RSPO4: variants seen among roughly 807,000 people sequenced by gnomAD.
RSPO4 encodes the protein R-spondin 4.
In RSPO4, 23 loss-of-function variants were observed where a neutral mutation model predicts 24.8. The observed-to-expected ratio is 0.93, with a 90% CI of 0.67 to 1.31. The LOEUF (loss-of-function observed/expected upper bound fraction) is 1.31. Ranked by LOEUF, RSPO4 falls within the 40% of genes most tolerant of loss-of-function variation. The pLI is 0.00. For missense variants in RSPO4, 333 were observed against 316.5 expected (o/e 1.05, Z -0.39); for synonymous variants, 141 against 127.4 (o/e 1.11, Z -0.72).
rs1188222418 is a variant in RSPO4, at chr20:967,242, T to C, written c.341A>G (p.Tyr114Cys). 5.6e-6 allele frequency: 9 copies of C among 1,614,234 alleles called. No homozygotes were observed. The highest frequency in any genetic ancestry group is 7.6e-6 in the Non-Finnish European group (9 of 1,180,038). ...CIRCKRQFYL[Y>C]KGKCLPTCPP... Reference sequence around the variant, plus strand: ...GCAGGTGGGCAGACACTTCCCCTTGTACAAGTAAAACTGCCTCTTGCACCG... The same window carrying C: ...GCAGGTGGGCAGACACTTCCCCTTGCACAAGTAAAACTGCCTCTTGCACCG... Residue 114 changes from tyrosine to cysteine, a missense_variant, in exon 3 of 5, where the codon TAC becomes TGC. Tyr to Cys is a radical substitution (Grantham distance 194). Transcript: ENST00000217260.
At chr20:986,648 TG>T (rs1006315241) in intron 1 of RSPO4, among the ~76,000 whole-genome samples, 3 of 106,986 alleles carry the variant, frequency 2.8e-5, no homozygotes, top group Non-Finnish European at 3.5e-5. Flanking sequence ...GACTGTGCAT[TG>T]GGGGTGGGGG....
intron 1 of RSPO4, among the ~76,000 whole-genome samples, chr20:982,307 T>C (rs978268736): frequency 5.9e-5 from 9 of 152,162 alleles, no homozygotes; most frequent in Non-Finnish European, 4.4e-5. Flanking sequence ...AAAACTGTCT[T>C]GTGTGTGAAG....
chr20:981,102 A>G lies in RSPO4; in HGVS notation c.80-12964T>C, dbSNP rs1213043110. 6.6e-6 allele frequency among the ~76,000 whole-genome samples: 1 copy of G among 152,194 alleles called. No individual in the cohort carries two copies. The highest frequency in any genetic ancestry group is 2.4e-5 in the African/African-American group (1 of 41,452). On this transcript the variant is annotated intron_variant, in intron 1 of 4. Coordinates refer to ENST00000217260, the MANE Select transcript of RSPO4 (RefSeq NM_001029871.4). The surrounding 1 kb of genome is among the most constrained non-coding windows in gnomAD (Gnocchi z 4.6). ...GGAAGTGAAGGCTCAAAGACCAACA[A>G]TTATAGGTGGTGGCATTAGATTTAA...
intron 1 of RSPO4, among the ~76,000 whole-genome samples, chr20:997,385 T>C (rs1188469406): frequency 2.6e-5 from 4 of 152,304 alleles, no homozygotes; most frequent in Non-Finnish European, 5.9e-5. Flanking sequence ...GGATGGCAAA[T>C]GGAGCTCAAT....
At chr20:978,555 A>C (rs982496281) in intron 1 of RSPO4, among the ~76,000 whole-genome samples, 1 of 152,182 alleles carries the variant, frequency 6.6e-6, no homozygotes, top group African/African-American at 2.4e-5. Context: ...ACGGTGGCTC[A>C]ATAAAGGTTC....
chr20:983,818 A>G lies in RSPO4; in HGVS notation c.80-15680T>C, dbSNP rs568201111. On this transcript the variant is annotated intron_variant, in intron 1 of 4. Coordinates refer to ENST00000217260, the MANE Select transcript of RSPO4 (RefSeq NM_001029871.4). Reference sequence around the variant, plus strand: ...CTTTCACAGGCCAGACTGCCTCAACAATCCTGCAAGATGGGTAGTATTATC... The same window carrying G: ...CTTTCACAGGCCAGACTGCCTCAACGATCCTGCAAGATGGGTAGTATTATC... 3.3e-5 allele frequency among the ~76,000 whole-genome samples: 5 copies of G among 152,328 alleles called. No homozygotes were observed. In the South Asian group the frequency reaches 1.0e-3, roughly 32 times the overall value.
chr20:975,136 G>A (rs1040876335), intron 1 of RSPO4, among the ~76,000 whole-genome samples: 27 of 152,130 alleles, frequency 1.8e-4, no homozygotes, highest in Non-Finnish European at 2.8e-4. Flanking sequence ...ACTAGACAGC[G>A]AACAGATCAC....
At position 981,071 on chromosome 20, in the gene RSPO4, G is replaced by A. The variant is rs749705959; in HGVS notation, c.80-12933C>T. On this transcript the variant is annotated intron_variant, in intron 1 of 4. Transcript: ENST00000217260. This position sits in a 1 kb window ranked among gnomAD's most constrained non-coding sequence, Gnocchi z 4.6. ...ATGCTGTTATCATTCCTCATTTTAC[G>A]GTTCAGGAAGTGAAGGCTCAAAGAC... is the stretch of plus-strand genomic sequence containing the variant. Among the ~76,000 whole-genome samples the A allele has an allele frequency of 3.9e-5, 6 of 152,136 alleles. No individual in the cohort carries two copies. The highest frequency in any genetic ancestry group is 4.8e-5 in the African/African-American group (2 of 41,416).
intron 1 of RSPO4, among the ~76,000 whole-genome samples, chr20:994,382 G>A (rs890042365): frequency 4.6e-5 from 7 of 152,206 alleles, no homozygotes; most frequent in African/African-American, 1.2e-4. Flanking sequence ...TGATGGCCCC[G>A]TGGCTTGGTC....
intron 1 of RSPO4, among the ~76,000 whole-genome samples, chr20:979,042 C>T (rs1448709910): frequency 6.6e-6 from 1 of 152,170 alleles, no homozygotes; most frequent in Non-Finnish European, 1.5e-5. Flanking sequence ...CACTCAGGGC[C>T]AAAGACTTCA....
At chr20:967,752 T>G (rs1984260375) in intron 2 of RSPO4, among the ~76,000 whole-genome samples, 198 bp downstream of exon 2, 1 of 152,230 alleles carries the variant, frequency 6.6e-6, no homozygotes, top group Non-Finnish European at 1.5e-5. Context: ...GCCTGTTCTA[T>G]TAGTGCTAAT....
In RSPO4 at chr20:959,962, TAGAG is replaced by T. The variant is rs1983931799; in HGVS notation, c.*391_*394del. 4.7e-6 allele frequency: 1 copy of T among 213,770 alleles called. No individual in the cohort carries two copies. The allele number at this position is 213,770 out of a possible 1,614,324, so 13.2% of individuals were successfully genotyped here. A position where few individuals can be genotyped will look rare whatever the true frequency, so the allele number is the denominator to read the frequency against. On this transcript the variant is annotated 3_prime_UTR_variant, in exon 5 of 5. Coordinates refer to ENST00000217260, the MANE Select transcript of RSPO4 (RefSeq NM_001029871.4). ...ATGTTTGCTTTCTTTAAGTTGTAGATAGAGAAAGCTGCAGGGGAGGGCACAGGCT... is the reference window on the plus strand; with the variant it reads ...ATGTTTGCTTTCTTTAAGTTGTAGATAAAGCTGCAGGGGAGGGCACAGGCT...
chr20:995,122 A>T (rs1568932824), intron 1 of RSPO4, among the ~76,000 whole-genome samples: 1 of 152,244 alleles, frequency 6.6e-6, no homozygotes, highest in East Asian at 1.9e-4. Context: ...ATTGGTCTCA[A>T]AGGTCTCACT....
In RSPO4 at chr20:992,214, TCCCATCCTCACTGC is replaced by T. The variant is rs369828022; in HGVS notation, c.79+9858_79+9871del. Among the ~76,000 whole-genome samples the T allele has an allele frequency of 2.9e-3, 434 of 150,642 alleles. 3 individuals carry two copies. Among genetic ancestry groups the T allele is most frequent in the African/African-American group, 0.01 (415 of 40,742 alleles). ...ACGCACACGGATGCATGTTACATCA[TCCCATCCTCACTGC>T]CCCATCCTCACTGCTGTCCTCTGAG... is the stretch of plus-strand genomic sequence containing the variant. On this transcript the variant is annotated intron_variant, in intron 1 of 4. Transcript: ENST00000217260.
chr20:997,469 G>A (rs1600102854), intron 1 of RSPO4, among the ~76,000 whole-genome samples: 1 of 152,258 alleles, frequency 6.6e-6, no homozygotes. Context: ...TGAAGAAACC[G>A]AAGCCGAGAG....
intron 1 of RSPO4, among the ~76,000 whole-genome samples, chr20:986,478 G>C (rs559744476): frequency 4.6e-5 from 7 of 152,202 alleles, no homozygotes; most frequent in Non-Finnish European, 8.8e-5. Flanking sequence ...GTCAGAAGCT[G>C]AGTCAGGCAG....
chr20:979,445 C>T (rs1346886236), intron 1 of RSPO4, among the ~76,000 whole-genome samples: 2 of 152,240 alleles, frequency 1.3e-5, no homozygotes, highest in Non-Finnish European at 2.9e-5. Context: ...AGATGTCTAG[C>T]TGAAGCATTA....
intron 1 of RSPO4, among the ~76,000 whole-genome samples, chr20:999,618 C>T (rs1985399884): frequency 6.6e-6 from 1 of 152,074 alleles, no homozygotes; most frequent in Admixed American, 6.5e-5. Flanking sequence ...CCCTAAGCCT[C>T]TTCTGAAGAT....
chr20:974,655 A>G (rs1984507239), intron 1 of RSPO4, among the ~76,000 whole-genome samples: 3 of 152,164 alleles, frequency 2.0e-5, no homozygotes, highest in African/African-American at 7.2e-5. Flanking sequence ...GCTGAGGTCA[A>G]TGGATGTGTG....
Sources: allele counts gnomAD v4.1 joint callset (sites outside exome capture counted in the v4.1 genomes callset), GRCh38; gene constraint gnomAD v4.1.1; non-coding constraint Gnocchi (gnomAD v3.1); transcripts MANE v1.5; gene names NCBI Gene and HGNC (gene_info 2026-07-23, HGNC 2026-07-21).